HTR3B: variants seen among roughly 807,000 people sequenced by gnomAD.
HTR3B encodes the protein 5-hydroxytryptamine (serotonin) receptor 3B, ionotropic.
A neutral mutation model predicts 42.8 loss-of-function variants in HTR3B; 44 were observed. That is an observed-to-expected ratio of 1.03 (90% CI 0.81 to 1.32). The LOEUF is 1.32. HTR3B is among the 40% of genes most tolerant of loss of function. The pLI, the probability that HTR3B is intolerant of heterozygous loss-of-function variation, is 0.00. For missense variants in HTR3B, 527 were observed against 536.5 expected (o/e 0.98, Z 0.17); for synonymous variants, 203 against 209.0 (o/e 0.97, Z 0.25).
intron 2 of HTR3B, among the ~76,000 whole-genome samples, chr11:113,920,574 A>G (rs1441651677): frequency 1.3e-5 from 2 of 151,600 alleles, no homozygotes; most frequent in East Asian, 3.9e-4. Flanking sequence ...GGGTTACACT[A>G]TGTTGGCCAG....
At chr11:113,915,231 TCTCA>T (rs1185335741) in intron 2 of HTR3B, among the ~76,000 whole-genome samples, 4 of 152,198 alleles carry the variant, frequency 2.6e-5, no homozygotes, top group South Asian at 4.1e-4. Flanking sequence ...TGAGACAGGG[TCTCA>T]CTCTGTTACT....
At chr11:113,937,490 A>G (rs1475499992) in intron 6 of HTR3B, among the ~76,000 whole-genome samples, 2 of 152,236 alleles carry the variant, frequency 1.3e-5, no homozygotes, top group East Asian at 1.9e-4. Context: ...ACATAATAGC[A>G]ATAACCACAA....
chr11:113,934,546 C>T (rs527354600), intron 6 of HTR3B, among the ~76,000 whole-genome samples: 3 of 152,208 alleles, frequency 2.0e-5, no homozygotes, highest in South Asian at 4.1e-4. Flanking sequence ...TACAGCTTTC[C>T]AGCAAAGCTC....
chr11:113,931,369 C>T lies in HTR3B; in HGVS notation c.214-15C>T. Reference sequence around the variant, plus strand: ...CATTCTAAGATTTGGAGTGGATTTTCTTTTTGCCTTGCAGGATGCAGAGAA... The same window carrying T: ...CATTCTAAGATTTGGAGTGGATTTTTTTTTTGCCTTGCAGGATGCAGAGAA... On this transcript the variant is annotated splice_polypyrimidine_tract_variant and intron_variant, in intron 2 of 8. Transcript: ENST00000260191. 1 of 1,587,230 alleles carries T rather than the reference C, an allele frequency of 6.3e-7. No homozygotes were observed. Among genetic ancestry groups the T allele is most frequent in the Non-Finnish European group, 8.6e-7 (1 of 1,163,106 alleles).
Position 113,907,323 on chromosome 11 carries a change from T to C in HTR3B, c.53-1972T>C, listed in dbSNP as rs571386878. 2.6e-5 allele frequency among the ~76,000 whole-genome samples: 4 copies of C among 152,354 alleles called. No homozygotes were observed. In the South Asian group the frequency reaches 6.2e-4, roughly 24 times the overall value. On this transcript the variant is annotated intron_variant, in intron 1 of 8. Transcript: ENST00000260191. ...ACTGAACTGTGAGTCATTTAGTGCT[T>C]GTGTGAATGTCACATTAGCTTTCAA...
At chr11:113,934,456 GGAAA>G (rs915987430) in intron 6 of HTR3B, among the ~76,000 whole-genome samples, 6 of 150,568 alleles carry the variant, frequency 4.0e-5, no homozygotes, top group Non-Finnish European at 5.9e-5. Context: ...AAAGAAAGAA[GGAAA>G]GAAAGAAAGA....
At chr11:113,916,742 C>G (rs1248704952) in intron 2 of HTR3B, among the ~76,000 whole-genome samples, 1 of 152,024 alleles carries the variant, frequency 6.6e-6, no homozygotes, top group Admixed American at 6.6e-5. Context: ...TCATTTTTAG[C>G]GTTTTGCATA....
chr11:113,918,582 T>C (rs1180669737), intron 2 of HTR3B, among the ~76,000 whole-genome samples: 2 of 151,946 alleles, frequency 1.3e-5, no homozygotes, highest in African/African-American at 2.4e-5. Context: ...TGAACGCCAA[T>C]AGTTCATTTC....
chr11:113,913,172 G>A (rs1407059241), intron 2 of HTR3B, among the ~76,000 whole-genome samples: 2 of 150,654 alleles, frequency 1.3e-5, no homozygotes, highest in Admixed American at 6.6e-5. Context: ...TGGTTTGAAT[G>A]TGTCCCCAAA....
intron 2 of HTR3B, 85 bp downstream of exon 2, chr11:113,909,540 A>C: frequency 9.1e-7 from 1 of 1,098,788 alleles, no homozygotes; most frequent in Non-Finnish European, 1.3e-6. Flanking sequence ...GAGAGGTTAT[A>C]TTCTTGAGAT....
At position 113,948,804 on chromosome 11, in the gene HTR3B, G is replaced by A. The variant is rs917957036; in HGVS notation, c.*2667G>A. Among the ~76,000 whole-genome samples the A allele has an allele frequency of 7.2e-5, 11 of 151,962 alleles. No homozygotes were observed. Among genetic ancestry groups the A allele is most frequent in the East Asian group, 1.9e-4 (1 of 5,140 alleles). ...CTTGAACCCAGGAGGTGGAGGTTGC[G>A]GTGAGCCGAGATCGTGCCATTGCAC... On this transcript the variant is annotated 3_prime_UTR_variant, in exon 9 of 9. Transcript: ENST00000260191.
chr11:113,943,205 G>C lies in HTR3B; in HGVS notation c.907+13G>C. On this transcript the variant is annotated intron_variant, in intron 7 of 8. Transcript: ENST00000260191. ...ACCCCTCTGATTGGTAAGCAGCCTCGGGGTCACTGGACACTCATCTTACAT... is the reference window on the plus strand; with the variant it reads ...ACCCCTCTGATTGGTAAGCAGCCTCCGGGTCACTGGACACTCATCTTACAT... 1 of 1,597,030 alleles carries C rather than the reference G, an allele frequency of 6.3e-7. No homozygotes were observed. Among genetic ancestry groups the C allele is most frequent in the Non-Finnish European group, 8.6e-7 (1 of 1,167,062 alleles).
intron 6 of HTR3B, among the ~76,000 whole-genome samples, chr11:113,941,841 C>T (rs555927195): frequency 2.6e-5 from 4 of 152,280 alleles, no homozygotes; most frequent in African/African-American, 4.8e-5. Context: ...CCACTCCAGC[C>T]CTTGACTCCT....
chr11:113,922,127 C>T (rs912913629), intron 2 of HTR3B, among the ~76,000 whole-genome samples: 3 of 152,188 alleles, frequency 2.0e-5, no homozygotes, highest in Non-Finnish European at 4.4e-5. Flanking sequence ...CTTCAAATCT[C>T]AGCTCTTAAA....
Position 113,947,609 on chromosome 11 carries a change from C to T in HTR3B, c.*1472C>T, listed in dbSNP as rs553390921. ...ACATGACCTTTCCTCTGTGCATGCT[C>T]ATGTCTGTGTCCAGATTTTCTCTTC... On this transcript the variant is annotated 3_prime_UTR_variant, in exon 9 of 9. Coordinates refer to ENST00000260191, the MANE Select transcript of HTR3B (RefSeq NM_006028.5). Among the ~76,000 whole-genome samples the T allele has an allele frequency of 2.0e-5, 3 of 152,256 alleles. No individual in the cohort carries two copies. The highest frequency in any genetic ancestry group is 7.2e-5 in the African/African-American group (3 of 41,544).
intron 2 of HTR3B, among the ~76,000 whole-genome samples, chr11:113,920,444 C>T (rs1473356306): frequency 6.8e-6 from 1 of 147,212 alleles, no homozygotes; most frequent in East Asian, 2.1e-4. Flanking sequence ...GGCATGATCT[C>T]GGCTCACAGT....
upstream of HTR3B, among the ~76,000 whole-genome samples, chr11:113,901,826 C>A (rs1420851703): frequency 6.6e-6 from 1 of 152,214 alleles, no homozygotes; most frequent in African/African-American, 2.4e-5. Flanking sequence ...TCATAGCTTA[C>A]TACAATGCAT....
At chr11:113,922,491 C>T (rs939358419) in intron 2 of HTR3B, among the ~76,000 whole-genome samples, 4 of 152,204 alleles carry the variant, frequency 2.6e-5, no homozygotes, top group Admixed American at 2.0e-4. Flanking sequence ...ACCTCAGCCT[C>T]CCAAAGTGCT....
At chr11:113,939,676 T>C (rs1338476491) in intron 6 of HTR3B, among the ~76,000 whole-genome samples, 1 of 152,198 alleles carries the variant, frequency 6.6e-6, no homozygotes, top group African/African-American at 2.4e-5. Context: ...AGGTGTCATC[T>C]CAGCTTGTTT....
Sources: allele counts gnomAD v4.1 joint callset (sites outside exome capture counted in the v4.1 genomes callset), GRCh38; gene constraint gnomAD v4.1.1; transcripts MANE v1.5; gene names NCBI Gene and HGNC (gene_info 2026-07-23, HGNC 2026-07-21).